The following PIK3R1 variants were observed in gnomAD, a reference collection of about 807,000 sequenced individuals.
PIK3R1 encodes the protein phosphatidylinositol 3-kinase regulatory subunit alpha.
PIK3R1 carries 29 observed loss-of-function variants against 98.0 expected under a neutral mutation model. The ratio of observed to expected loss-of-function variants is 0.30; its 90% CI spans 0.22 to 0.40. PIK3R1 has a LOEUF of 0.40. PIK3R1 is among the 10% of genes least tolerant of loss of function. The pLI is 1.00. For synonymous variants in PIK3R1, 282 were observed against 311.8 expected (o/e 0.90, Z 1.01); for missense variants, 596 against 872.7 (o/e 0.68, Z 3.99).
chr5:68,288,883 G>A, intron 7 of PIK3R1: 1 of 890,494 alleles, frequency 1.1e-6, no homozygotes, highest in South Asian at 1.3e-5. Context: ...GGGAGATTAG[G>A]GGAGACACTC....
intron 14 of PIK3R1, chr5:68,295,750 C>A: frequency 2.0e-6 from 1 of 505,536 alleles, no homozygotes; most frequent in Non-Finnish European, 3.5e-6. Context: ...CTGAAAAATC[C>A]CAAAATATTT....
At chr5:68,232,457 C>T (rs948971364) in intron 2 of PIK3R1, among the ~76,000 whole-genome samples, 2 of 152,136 alleles carry the variant, frequency 1.3e-5, no homozygotes, top group Admixed American at 6.5e-5. Context: ...TTCACAGGCA[C>T]GCTCTGAGGG....
intron 2 of PIK3R1, among the ~76,000 whole-genome samples, chr5:68,252,314 G>A (rs918172781): frequency 6.6e-6 from 1 of 151,508 alleles, no homozygotes; most frequent in African/African-American, 2.4e-5. Flanking sequence ...TGCTGTTTAA[G>A]TTGGCAGATA....
chr5:68,216,307 G>A (rs1239193919), intron 1 of PIK3R1, among the ~76,000 whole-genome samples: 1 of 152,192 alleles, frequency 6.6e-6, no homozygotes, highest in African/African-American at 2.4e-5. Context: ...GAGGGTCCCC[G>A]CTGTCGCCTT....
At chr5:68,263,499 CTTGT>C (rs1368933547) in intron 2 of PIK3R1, among the ~76,000 whole-genome samples, 8 of 151,794 alleles carry the variant, frequency 5.3e-5, no homozygotes, top group Non-Finnish European at 1.2e-4. Flanking sequence ...TGAGTAGCCT[CTTGT>C]TTATTTCACT....
intron 2 of PIK3R1, among the ~76,000 whole-genome samples, chr5:68,229,236 C>G (rs1158047028): frequency 6.6e-6 from 1 of 152,140 alleles, no homozygotes; most frequent in Non-Finnish European, 1.5e-5. Context: ...TCAATAGCTC[C>G]TATGAGTTGC....
chr5:68,288,778 C>G, intron 7 of PIK3R1: 1 of 1,605,388 alleles, frequency 6.2e-7, no homozygotes, highest in Non-Finnish European at 8.5e-7. Flanking sequence ...TTGTGCACTT[C>G]TCTGTTCCTT....
chr5:68,258,293 T>A (rs955549571), intron 2 of PIK3R1, among the ~76,000 whole-genome samples: 1 of 152,222 alleles, frequency 6.6e-6, no homozygotes, highest in African/African-American at 2.4e-5. Context: ...CCATGTTCTA[T>A]AAGAATGGAT....
chr5:68,269,108 T>C (rs189240855), intron 2 of PIK3R1, among the ~76,000 whole-genome samples: 4 of 152,354 alleles, frequency 2.6e-5, no homozygotes, highest in Admixed American at 2.6e-4. Context: ...TGAATCCTCC[T>C]TTCTTTTGAA....
intron 4 of PIK3R1, among the ~76,000 whole-genome samples, chr5:68,276,966 C>T (rs1048988071): frequency 2.6e-5 from 4 of 152,118 alleles, no homozygotes; most frequent in African/African-American, 4.8e-5. Context: ...ACACATAATC[C>T]CACACTATGA....
intron 7 of PIK3R1, chr5:68,291,413 A>ATTTCAG (rs1747382368): frequency 6.6e-6 from 1 of 152,212 alleles, no homozygotes; most frequent in Non-Finnish European, 1.5e-5. Context: ...AAGTTAAAAT[A>ATTTCAG]GTAACAGTGC....
In PIK3R1 at chr5:68,279,636, G is replaced by A; in HGVS notation, c.537G>A (p.Val179=). ...CCGTGGACTTGGAAATGATCGATGT[G>A]CACGTTTTGGCTGACGCTTTCAAAC... ...TPSVDLEMID[V]HVLADAFKRY... is the part of the protein sequence containing the mutation. Residue 179 remains valine, a synonymous_variant, in exon 5 of 16, where the codon GTG becomes GTA. Coordinates refer to ENST00000521381, the MANE Select transcript of PIK3R1 (RefSeq NM_181523.3). 6.2e-7 allele frequency: 1 copy of A among 1,613,678 alleles called. No individual in the cohort carries two copies.
chr5:68,278,914 G>A (rs530927017), intron 4 of PIK3R1, among the ~76,000 whole-genome samples: 1 of 152,276 alleles, frequency 6.6e-6, no homozygotes. Context: ...ATGCACTCCA[G>A]CCTTGGCTAC....
At position 68,298,948 on chromosome 5, in the gene PIK3R1, T is replaced by C. The variant is rs1023740807; in HGVS notation, c.*1347T>C. Reference sequence around the variant, plus strand: ...AGGTTATATGCACTTTCTCATGATTTACAGAGAAGTGAATAACTGCAAAGT... The same window carrying C: ...AGGTTATATGCACTTTCTCATGATTCACAGAGAAGTGAATAACTGCAAAGT... On this transcript the variant is annotated 3_prime_UTR_variant, in exon 16 of 16. Coordinates refer to ENST00000521381, the MANE Select transcript of PIK3R1 (RefSeq NM_181523.3). The C allele has an allele frequency of 9.4e-5, 22 of 233,442 alleles. No individual in the cohort carries two copies. The highest frequency in any genetic ancestry group is 1.4e-4 in the Non-Finnish European group (17 of 117,952). 14.5% of individuals were successfully genotyped at this position (233,442 alleles called of 1,614,324 possible).
intron 11 of PIK3R1, 146 bp from the exon 12 acceptor site, chr5:68,294,390 C>A: frequency 2.0e-6 from 1 of 510,052 alleles, no homozygotes. Flanking sequence ...AGAGGAAATA[C>A]TTGTTTCTGG....
intron 2 of PIK3R1, among the ~76,000 whole-genome samples, chr5:68,263,362 A>T (rs1035838455): frequency 2.6e-5 from 4 of 151,268 alleles, no homozygotes; most frequent in Non-Finnish European, 4.4e-5. Context: ...CTATAGTACT[A>T]TTTATTATCC....
chr5:68,298,309 T>G lies in PIK3R1; in HGVS notation c.*708T>G, dbSNP rs1340612611. 1 of 233,212 alleles carries G rather than the reference T, an allele frequency of 4.3e-6. No homozygotes were observed. The highest frequency in any genetic ancestry group is 8.5e-6 in the Non-Finnish European group (1 of 117,840). 14.4% of individuals were successfully genotyped at this position (233,212 alleles called of 1,614,324 possible). On this transcript the variant is annotated 3_prime_UTR_variant, in exon 16 of 16. Coordinates refer to ENST00000521381, the MANE Select transcript of PIK3R1 (RefSeq NM_181523.3). ...AAAATGACATTCAGTATATAAAATA[T>G]GTACATAATATTGGATGACTAACTA...
chr5:68,274,206 G>A (rs557647256), intron 4 of PIK3R1, among the ~76,000 whole-genome samples, 193 bp downstream of exon 4: 21 of 152,224 alleles, frequency 1.4e-4, no homozygotes, highest in Middle Eastern at 3.4e-3. Context: ...CCTGAGTTGG[G>A]CTGCAAGTGT....
chr5:68,235,276 G>A (rs757334059), intron 2 of PIK3R1, among the ~76,000 whole-genome samples: 3 of 152,000 alleles, frequency 2.0e-5, no homozygotes, highest in Non-Finnish European at 4.4e-5. Context: ...GATGGTGCAT[G>A]CCTGTAATCC....
Sources: allele counts gnomAD v4.1 joint callset (sites outside exome capture counted in the v4.1 genomes callset), GRCh38; gene constraint gnomAD v4.1.1; transcripts MANE v1.5; gene names NCBI Gene and HGNC (gene_info 2026-07-23, HGNC 2026-07-21).